ZNF577: variants seen among roughly 807,000 people sequenced by gnomAD.
The protein encoded by ZNF577 is zinc finger protein 577.
In ZNF577, 14 loss-of-function variants were observed where a neutral mutation model predicts 13.9. The ratio of observed to expected loss-of-function variants is 1.00; its 90% CI spans 0.66 to 1.57. The LOEUF (loss-of-function observed/expected upper bound fraction) is 1.57, where lower values mean the gene tolerates loss of function less well. Among genes scored for constraint, ZNF577 ranks in the 40% most tolerant of loss-of-function variants. ZNF577 has a pLI of 0.00. For synonymous variants in ZNF577, 203 were observed against 202.9 expected, an observed-to-expected ratio of 1.00 and a Z score of 0.00; for missense variants, 555 against 579.2, an observed-to-expected ratio of 0.96 and a Z score of 0.43.
In ZNF577 at chr19:51,882,699, G is replaced by A. The variant is rs185859823; in HGVS notation, c.-218-1822C>T. ...CTTAGGACGGTGAGGCAGGAGGATC[G>A]CTTGAGCCCAGGAGTTCCAGGCTGA... On this transcript the variant is annotated intron_variant, in intron 1 of 5. Transcript: ENST00000638348. Among the ~76,000 whole-genome samples the A allele has an allele frequency of 5.3e-5, 8 of 152,138 alleles. No homozygotes were observed. In the East Asian group the frequency reaches 5.8e-4, roughly 11 times the overall value.
intron 5 of ZNF577, among the ~76,000 whole-genome samples, chr19:51,874,324 A>T (rs1231901072): frequency 6.6e-6 from 1 of 152,206 alleles, no homozygotes; most frequent in East Asian, 1.9e-4. Flanking sequence ...ACAGGTATGC[A>T]AAGACGTAAG....
chr19:51,858,746 A>G (rs1387371583), intron 5 of ZNF577, among the ~76,000 whole-genome samples: 1 of 152,182 alleles, frequency 6.6e-6, no homozygotes, highest in Non-Finnish European at 1.5e-5. Context: ...AGTTTTATAG[A>G]AGATTCAGTC....
intron 5 of ZNF577, among the ~76,000 whole-genome samples, chr19:51,851,819 CGTCT>C (rs930476351): frequency 1.3e-5 from 2 of 152,202 alleles, no homozygotes; most frequent in Admixed American, 6.5e-5. Flanking sequence ...ACAACCCTTA[CGTCT>C]GTCATTCCTT....
At chr19:51,885,301 G>T (rs1264411016) in intron 1 of ZNF577, among the ~76,000 whole-genome samples, 1 of 152,114 alleles carries the variant, frequency 6.6e-6, no homozygotes, top group Admixed American at 6.5e-5. Flanking sequence ...CCATTTAGCC[G>T]GCAGAGACTA....
chr19:51,885,779 A>T (rs1255446379), intron 1 of ZNF577, among the ~76,000 whole-genome samples: 1 of 152,222 alleles, frequency 6.6e-6, no homozygotes, highest in Non-Finnish European at 1.5e-5. Context: ...AAGTGCTGGG[A>T]TTACAGGCGT....
In ZNF577 at chr19:51,880,685, C is replaced by T. The variant is rs8113768; in HGVS notation, c.-26G>A. ...TAGGTAAAACAAACCTCACCTGGGC[C>T]TTGCCCATTTCGTTCAACTCTTAGG... On this transcript the variant is annotated 5_prime_UTR_variant, in exon 2 of 6. Coordinates refer to ENST00000638348, the MANE Select transcript of ZNF577 (RefSeq NM_001370449.1). The T allele has an allele frequency of 0.2, 76,663 of 389,154 alleles. 9,860 individuals carry two copies. The highest frequency in any genetic ancestry group is 0.4 in the South Asian group (13,189 of 32,938). The allele number at this position is 389,154 out of a possible 1,614,324, so 24.1% of individuals were successfully genotyped here.
rs866416190 is a variant in ZNF577, at chr19:51,870,112, G to A, written c.*2420C>T. On this transcript the variant is annotated 3_prime_UTR_variant, in exon 6 of 6. Coordinates refer to ENST00000638348, the MANE Select transcript of ZNF577 (RefSeq NM_001370449.1). ...AGCTTCATCTGCCCCTTGTTCAGGT[G>A]GGGGGAACCCATCAGTAAATTATAG... Among the ~76,000 whole-genome samples the A allele has an allele frequency of 3.3e-5, 5 of 152,182 alleles. No individual in the cohort carries two copies. The highest frequency in any genetic ancestry group is 9.7e-5 in the African/African-American group (4 of 41,440).
At chr19:51,816,577 A>C (rs1437980210) in intron 9 of ZNF577, among the ~76,000 whole-genome samples, 2 of 152,198 alleles carry the variant, frequency 1.3e-5, no homozygotes, top group African/African-American at 4.8e-5. Flanking sequence ...TAAACCAATA[A>C]ATGAAAGCAA....
In ZNF577 at chr19:51,886,833, C is replaced by T. The variant is rs2084954384; in HGVS notation, c.-231G>A. On this transcript the variant is annotated 5_prime_UTR_variant, in exon 1 of 6. Coordinates refer to ENST00000638348, the MANE Select transcript of ZNF577 (RefSeq NM_001370449.1). The stretch of plus-strand genomic sequence containing the variant: ...GAGATTAACGTACCCAAGTCAGAGG[C>T]AGAGGCAGGTACTTCTTACTCCACA... The T allele has an allele frequency of 6.6e-6, 1 of 152,144 alleles. No homozygotes were observed. Among genetic ancestry groups the T allele is most frequent in the Non-Finnish European group, 1.5e-5 (1 of 68,034 alleles). 9.4% of individuals were successfully genotyped at this position (152,144 alleles called of 1,614,324 possible).
intron 5 of ZNF577, among the ~76,000 whole-genome samples, chr19:51,876,771 C>CA (rs1041596616): frequency 3.3e-5 from 5 of 151,564 alleles, no homozygotes; most frequent in South Asian, 2.1e-4. Context: ...ACAAAAAATA[C>CA]AAAAAAATTA....
At chr19:51,810,719 C>T (rs2084090570) in intron 10 of ZNF577, among the ~76,000 whole-genome samples, 1 of 152,160 alleles carries the variant, frequency 6.6e-6, no homozygotes. Flanking sequence ...GGGTAAAAAA[C>T]GCATAGCACC....
At chr19:51,877,490 T>C (rs1198537351) in intron 4 of ZNF577, 113 bp from the exon 5 acceptor site, 1 of 825,762 alleles carries the variant, frequency 1.2e-6, no homozygotes, top group East Asian at 2.6e-5. Context: ...AGCAAAACTC[T>C]TTCACTCAGG....
chr19:51,870,867 C>A lies in ZNF577; in HGVS notation c.*1665G>T, dbSNP rs574798368. On this transcript the variant is annotated 3_prime_UTR_variant, in exon 6 of 6. Coordinates refer to ENST00000638348, the MANE Select transcript of ZNF577 (RefSeq NM_001370449.1). ...GCTGGGGCAATCATAAGGCTCATCTCATTGTTTCCTTTCTGTCATGGAAAG... is the reference window on the plus strand; with the variant it reads ...GCTGGGGCAATCATAAGGCTCATCTAATTGTTTCCTTTCTGTCATGGAAAG... Among the ~76,000 whole-genome samples, 9 of 152,298 alleles carry A rather than the reference C, an allele frequency of 5.9e-5. No individual in the cohort carries two copies. Among genetic ancestry groups the A allele is most frequent in the African/African-American group, 2.2e-4 (9 of 41,564 alleles).
chr19:51,879,350 A>G (rs1456794186), intron 3 of ZNF577, among the ~76,000 whole-genome samples: 1 of 151,980 alleles, frequency 6.6e-6, no homozygotes, highest in Non-Finnish European at 1.5e-5. Flanking sequence ...CAGGGGGCTC[A>G]TGAGGTCAGG....
intron 9 of ZNF577, among the ~76,000 whole-genome samples, chr19:51,826,928 G>A (rs143880157): frequency 5.4e-4 from 82 of 152,220 alleles, no homozygotes; most frequent in African/African-American, 1.9e-3. Flanking sequence ...TTGCTAGAAT[G>A]CAAGTCTGAA....
At chr19:51,833,345 A>G (rs1372958365) in intron 9 of ZNF577, among the ~76,000 whole-genome samples, 1 of 152,124 alleles carries the variant, frequency 6.6e-6, no homozygotes, top group Admixed American at 6.6e-5. Flanking sequence ...GTGTCAGAAA[A>G]CCATTCTTTC....
chr19:51,824,011 G>C lies in ZNF577; in HGVS notation c.*600-12337C>G, dbSNP rs1288549525. 57 of 1,614,114 alleles carry C rather than the reference G, an allele frequency of 3.5e-5. No individual in the cohort carries two copies. Among genetic ancestry groups the C allele is most frequent in the Non-Finnish European group, 4.7e-5 (56 of 1,179,990 alleles). On this transcript the variant is annotated intron_variant and NMD_transcript_variant, in intron 9 of 10. Coordinates refer to the ZNF577 transcript ENST00000638827. This position sits in a 1 kb window ranked among gnomAD's most constrained non-coding sequence, Gnocchi z 4.7. ...TTCCGAATGGTCTCAGTCGCCATGA[G>C]AGAAAAATGGCCTTTTGGCTCATTC...
At chr19:51,830,503 C>A (rs1192428935) in intron 9 of ZNF577, among the ~76,000 whole-genome samples, 2 of 152,198 alleles carry the variant, frequency 1.3e-5, no homozygotes, top group Non-Finnish European at 1.5e-5. Context: ...ACAGTGACAT[C>A]CATTGCCATG....
chr19:51,822,030 C>T (rs571786682), intron 9 of ZNF577, among the ~76,000 whole-genome samples: 1 of 152,158 alleles, frequency 6.6e-6, no homozygotes, highest in East Asian at 1.9e-4. Context: ...TAACAAATAC[C>T]TTGGATGTTT....
Sources: gnomAD v4.1 joint callset for allele counts (sites outside exome capture counted in the v4.1 genomes callset) on GRCh38, gnomAD v4.1.1 for gene constraint, Gnocchi (gnomAD v3.1) non-coding constraint, MANE v1.5 for transcripts, NCBI Gene and HGNC (gene_info 2026-07-23, HGNC 2026-07-21) for gene names.